Variants in FOCAD observed in about 807,000 individuals in gnomAD.
FOCAD encodes the protein focadhesin, also known as KIAA1797.
A neutral mutation model predicts 225.6 loss-of-function variants in FOCAD; 198 were observed. The observed-to-expected ratio is 0.88, with a 90% CI of 0.78 to 0.99. FOCAD has a LOEUF of 0.99. FOCAD is among the 50% of genes least tolerant of loss of function. FOCAD has a pLI of 0.00. For missense variants in FOCAD, 2,713 were observed against 2,123.6 expected (o/e 1.28, Z -5.46); for synonymous variants, 897 against 755.0 (o/e 1.19, Z -3.08).
intron 21 of FOCAD, among the ~76,000 whole-genome samples, chr9:20,903,619 T>C (rs1356361475): frequency 6.6e-6 from 1 of 151,958 alleles, no homozygotes; most frequent in Non-Finnish European, 1.5e-5. Context: ...TTTTTCTCTT[T>C]CTACTCTCTG....
intron 15 of FOCAD, among the ~76,000 whole-genome samples, chr9:20,844,343 A>G (rs1330273412): frequency 8.1e-6 from 1 of 123,130 alleles, no homozygotes; most frequent in African/African-American, 2.9e-5. Context: ...ACCCTCAGGA[A>G]ATTTCCTTTT....
At chr9:20,749,080 T>C (rs987096897) in intron 5 of FOCAD, among the ~76,000 whole-genome samples, 20 of 152,250 alleles carry the variant, frequency 1.3e-4, no homozygotes, top group Middle Eastern at 3.4e-3. Flanking sequence ...TGTGGATCCC[T>C]AAGTACATTT....
chr9:20,949,009 A>G (rs1022431651), intron 32 of FOCAD, 81 bp downstream of exon 32: 9 of 1,313,360 alleles, frequency 6.9e-6, no homozygotes, highest in Non-Finnish European at 7.6e-6. Flanking sequence ...GTGTTTTAGT[A>G]TGCTAAGAAC....
At chr9:20,791,190 A>G (rs910641117) in intron 11 of FOCAD, among the ~76,000 whole-genome samples, 1 of 150,992 alleles carries the variant, frequency 6.6e-6, no homozygotes, top group African/African-American at 2.4e-5. Context: ...CTGACAGAAA[A>G]CATATATTGC....
chr9:20,923,100 G>A (rs546210110), intron 24 of FOCAD, among the ~76,000 whole-genome samples: 1 of 152,100 alleles, frequency 6.6e-6, no homozygotes, highest in African/African-American at 2.4e-5. Context: ...TACAAACTGG[G>A]TTTAAGGTTG....
At chr9:20,908,589 T>C (rs1833175317) in intron 22 of FOCAD, among the ~76,000 whole-genome samples, 1 of 152,094 alleles carries the variant, frequency 6.6e-6, no homozygotes. Context: ...ATTTTAAAGA[T>C]GTTCCTTTGG....
chr9:20,872,633 T>G (rs939753351), intron 18 of FOCAD, among the ~76,000 whole-genome samples: 6 of 151,892 alleles, frequency 4.0e-5, no homozygotes, highest in South Asian at 4.2e-4. Context: ...TTCTTTTCTT[T>G]CTTGCTTGCT....
intron 15 of FOCAD, among the ~76,000 whole-genome samples, chr9:20,843,896 A>C (rs1006024884): frequency 1.3e-5 from 2 of 152,168 alleles, no homozygotes; most frequent in Non-Finnish European, 2.9e-5. Context: ...AGAACCACTT[A>C]GGACTGGTTA....
intron 19 of FOCAD, 141 bp downstream of exon 19, chr9:20,874,948 T>G: frequency 9.3e-7 from 1 of 1,079,976 alleles, no homozygotes; most frequent in African/African-American, 1.6e-5. Flanking sequence ...CACCCATCTG[T>G]TCTATTGAAA....
intron 19 of FOCAD, chr9:20,875,131 A>T (rs1830128875): frequency 4.0e-6 from 1 of 250,592 alleles, no homozygotes. Context: ...ATTGATTTAA[A>T]CAATACTTCT....
intron 11 of FOCAD, among the ~76,000 whole-genome samples, chr9:20,805,134 A>C (rs775921035): frequency 6.6e-6 from 1 of 152,220 alleles, no homozygotes; most frequent in African/African-American, 2.4e-5. Flanking sequence ...ACTTTAAGGT[A>C]CATGAAGTGA....
At chr9:20,816,189 A>G (rs1283400212) in intron 11 of FOCAD, among the ~76,000 whole-genome samples, 1 of 152,142 alleles carries the variant, frequency 6.6e-6, no homozygotes, top group Non-Finnish European at 1.5e-5. Context: ...CCCTGACAGT[A>G]TAATTATAGC....
intron 2 of FOCAD, among the ~76,000 whole-genome samples, chr9:20,664,537 A>G (rs1295049761): frequency 3.9e-5 from 6 of 152,008 alleles, no homozygotes; most frequent in African/African-American, 1.2e-4. Context: ...AATAAGGCAA[A>G]TAAGCAGGAA....
intron 11 of FOCAD, among the ~76,000 whole-genome samples, chr9:20,809,198 A>G (rs1822786216): frequency 2.0e-5 from 3 of 152,104 alleles, no homozygotes; most frequent in African/African-American, 7.2e-5. Flanking sequence ...TAAGTTTTCC[A>G]AGGTTTTGTT....
chr9:20,979,305 CTT>C (rs1564235258), intron 37 of FOCAD, among the ~76,000 whole-genome samples: 1 of 152,144 alleles, frequency 6.6e-6, no homozygotes, highest in East Asian at 1.9e-4. Flanking sequence ...TCCTCAGTCT[CTT>C]GGCCTTTGTC....
chr9:20,716,685 C>T (rs553156901), intron 2 of FOCAD, among the ~76,000 whole-genome samples: 2 of 152,172 alleles, frequency 1.3e-5, no homozygotes, highest in Admixed American at 6.5e-5. Flanking sequence ...AACCACTGCT[C>T]GATGTTAGCA....
chr9:20,710,760 A>G (rs898466197), intron 1 of FOCAD, among the ~76,000 whole-genome samples: 5 of 152,084 alleles, frequency 3.3e-5, no homozygotes, highest in African/African-American at 9.7e-5. Flanking sequence ...ATATTTTCTT[A>G]CCTTTTAGAT....
In FOCAD at chr9:20,820,334, G is replaced by A; in HGVS notation, c.1571G>A (p.Gly524Glu). The change falls in exon 13 of 44, where the codon GGA (glycine) becomes GAA (glutamate). Residue 524 changes from glycine (G) to glutamate (E), a missense_variant. Coordinates refer to ENST00000338382, the MANE Select transcript of FOCAD (RefSeq NM_001375567.1). Reference sequence around the variant, plus strand: ...TTCAATATTTTCTAGGTGTGTATAGGACAAATTCTACGAATAATACAACTA... The same window carrying A: ...TTCAATATTTTCTAGGTGTGTATAGAACAAATTCTACGAATAATACAACTA... Reference protein sequence around the residue: ...PKLGVHKVCIGQILRIIQLLG... With the variant: ...PKLGVHKVCIEQILRIIQLLG... 6.2e-7 allele frequency: 1 copy of A among 1,611,870 alleles called. No homozygotes were observed. The highest frequency in any genetic ancestry group is 8.5e-7 in the Non-Finnish European group (1 of 1,178,736).
chr9:20,941,725 A>T (rs1836673568), intron 28 of FOCAD, among the ~76,000 whole-genome samples: 1 of 152,226 alleles, frequency 6.6e-6, no homozygotes, highest in Non-Finnish European at 1.5e-5. Context: ...CATTTATGTT[A>T]GCAACTCCAA....
Sources: gnomAD v4.1 joint callset for allele counts (sites outside exome capture counted in the v4.1 genomes callset) on GRCh38, gnomAD v4.1.1 for gene constraint, MANE v1.5 for transcripts, NCBI Gene and HGNC (gene_info 2026-07-23, HGNC 2026-07-21) for gene names.